The following OR51B5 variants were observed in gnomAD, a reference collection of about 807,000 sequenced individuals.
The protein encoded by OR51B5 is olfactory receptor family 51 subfamily B member 5, also known as olfactory receptor 51B5.
For synonymous variants in OR51B5, 186 were observed against 144.8 expected (o/e 1.28, Z -2.04); for missense variants, 456 against 374.6 (o/e 1.22, Z -1.79).
chr11:5,449,013 A>G (rs1470881890), intron 1 of OR51B5, among the ~76,000 whole-genome samples: 1 of 152,236 alleles, frequency 6.6e-6, no homozygotes, highest in Admixed American at 6.5e-5. Context: ...TTGCACCTCA[A>G]TTGATGGGCT....
chr11:5,491,601 G>A (rs1037724177), intron 1 of OR51B5, among the ~76,000 whole-genome samples: 4 of 152,218 alleles, frequency 2.6e-5, no homozygotes, highest in African/African-American at 9.7e-5. Context: ...TCAAAAGCCA[G>A]GCCCAGATAA....
intron 1 of OR51B5, among the ~76,000 whole-genome samples, chr11:5,407,390 A>G (rs1050587979): frequency 1.3e-5 from 2 of 152,172 alleles, no homozygotes; most frequent in African/African-American, 2.4e-5. Flanking sequence ...CCTTAAATAC[A>G]TGAAACTTTC....
intron 1 of OR51B5, among the ~76,000 whole-genome samples, chr11:5,504,342 G>A (rs1846343089): frequency 6.6e-6 from 1 of 152,110 alleles, no homozygotes; most frequent in African/African-American, 2.4e-5. Context: ...TTGTTTTTCT[G>A]CTTTCTAGCA....
intron 1 of OR51B5, among the ~76,000 whole-genome samples, chr11:5,459,304 C>A (rs183550646): frequency 1.3e-5 from 2 of 152,066 alleles, no homozygotes; most frequent in African/African-American, 4.8e-5. Flanking sequence ...GAACATAAAG[C>A]GAACTTGCTT....
At chr11:5,390,536 A>C in intron 1 of OR51B5, 2 of 623,664 alleles carry the variant, frequency 3.2e-6, no homozygotes, top group Non-Finnish European at 5.3e-6. Flanking sequence ...GGCTTTAAAA[A>C]ACTGAACTTC....
At chr11:5,461,801 T>G (rs938967078) in intron 1 of OR51B5, among the ~76,000 whole-genome samples, 2 of 152,154 alleles carry the variant, frequency 1.3e-5, no homozygotes, top group Admixed American at 6.5e-5. Context: ...CTACCAGCAC[T>G]CAGGGCCAGA....
intron 1 of OR51B5, among the ~76,000 whole-genome samples, chr11:5,485,090 G>A (rs1851480590): frequency 6.6e-6 from 1 of 152,104 alleles, no homozygotes; most frequent in Non-Finnish European, 1.5e-5. Flanking sequence ...AAAAGAATAA[G>A]TCAGAAGCAG....
chr11:5,424,793 AAC>A (rs1850417991), intron 1 of OR51B5, among the ~76,000 whole-genome samples: 2 of 130,514 alleles, frequency 1.5e-5, no homozygotes, highest in Admixed American at 1.6e-4. Flanking sequence ...CATCCTGGCT[AAC>A]ACGGTGAAAC....
chr11:5,352,744 ATACATACATACT>A (rs1371364284), intron 1 of OR51B5, among the ~76,000 whole-genome samples: 5 of 151,258 alleles, frequency 3.3e-5, no homozygotes, highest in Non-Finnish European at 5.9e-5. Flanking sequence ...CACCATACAC[ATACATACATACT>A]TACACACATA....
intron 1 of OR51B5, chr11:5,403,307 G>A (rs1209675941): frequency 8.5e-6 from 4 of 471,554 alleles, no homozygotes; most frequent in Admixed American, 7.0e-5. Flanking sequence ...AAGGGAGGAA[G>A]AAGGCACTCA....
At chr11:5,394,182 T>G (rs1287124057) in intron 1 of OR51B5, among the ~76,000 whole-genome samples, 6 of 152,254 alleles carry the variant, frequency 3.9e-5, no homozygotes, top group African/African-American at 1.4e-4. Context: ...TATTATAACC[T>G]AGGTATTATT....
chr11:5,419,408 T>G (rs1338330863), intron 1 of OR51B5, among the ~76,000 whole-genome samples: 1 of 152,202 alleles, frequency 6.6e-6, no homozygotes, highest in Non-Finnish European at 1.5e-5. Flanking sequence ...GGGTTCCACA[T>G]TCATGGATTC....
intron 1 of OR51B5, chr11:5,456,376 G>C (rs557501799): frequency 6.6e-6 from 1 of 152,176 alleles, no homozygotes; most frequent in African/African-American, 2.4e-5. Context: ...TCATGAGACA[G>C]ATGCCATAAG....
At chr11:5,345,330 A>G (rs1022895486), upstream of OR51B5, among the ~76,000 whole-genome samples, 3 of 152,202 alleles carry the variant, frequency 2.0e-5, no homozygotes, top group Non-Finnish European at 4.4e-5. Context: ...ATGAAGAGTC[A>G]TGGTGACCTT....
chr11:5,492,151 G>A (rs1234693993), intron 1 of OR51B5, among the ~76,000 whole-genome samples: 1 of 151,994 alleles, frequency 6.6e-6, no homozygotes, highest in Non-Finnish European at 1.5e-5. Context: ...GAACTACCCT[G>A]CCAAGTTCTC....
rs552716542 is a variant in OR51B5, at chr11:5,352,819, A to G, written n.85-5909T>C. 7.1e-5 allele frequency among the ~76,000 whole-genome samples: 10 copies of G among 140,742 alleles called. No homozygotes were observed. The South Asian group carries it at 2.3e-3, about 32-fold the overall frequency. The allele number at this position is 140,742 out of a possible 152,430, so 92.3% of individuals were successfully genotyped here. ...ACACTATTATATATATTTAATATATATAATACACACTATTATATATACTTA... is the reference window on the plus strand; with the variant it reads ...ACACTATTATATATATTTAATATATGTAATACACACTATTATATATACTTA... On this transcript the variant is annotated intron_variant and non_coding_transcript_variant, in intron 1 of 4. Transcript: ENST00000415970.
chr11:5,393,634 T>C (rs575034312), intron 1 of OR51B5, among the ~76,000 whole-genome samples: 9 of 152,264 alleles, frequency 5.9e-5, no homozygotes, highest in Admixed American at 5.2e-4. Flanking sequence ...TCATGATAAA[T>C]GCTAATGTTT....
intron 1 of OR51B5, among the ~76,000 whole-genome samples, chr11:5,429,825 G>A (rs1345236092): frequency 6.6e-6 from 1 of 152,184 alleles, no homozygotes; most frequent in Non-Finnish European, 1.5e-5. Context: ...ATCTAAAATT[G>A]AGCCTGGGAT....
At chr11:5,348,184 G>C (rs1849023954), upstream of OR51B5, among the ~76,000 whole-genome samples, 1 of 152,144 alleles carries the variant, frequency 6.6e-6, no homozygotes, top group South Asian at 2.1e-4. Context: ...GTTTCTTTGA[G>C]AGTTACCTCT....
Sources: gnomAD v4.1 joint callset for allele counts (sites outside exome capture counted in the v4.1 genomes callset) on GRCh38, gnomAD v4.1.1 for gene constraint, MANE v1.5 for transcripts, NCBI Gene and HGNC (gene_info 2026-07-23, HGNC 2026-07-21) for gene names.